Variants in DHRS7B observed in about 807,000 individuals in gnomAD.
The protein encoded by DHRS7B is peroxisomal reductase activating PPAR-gamma.
DHRS7B carries 24 observed loss-of-function variants against 26.4 expected under a neutral mutation model. That is an observed-to-expected ratio of 0.91 (90% confidence interval 0.66 to 1.28). DHRS7B has a LOEUF of 1.28. Ranked by LOEUF, DHRS7B falls within the 50% of genes most tolerant of loss-of-function variation. The probability of loss-of-function intolerance (pLI) is 0.00; values close to 1 mark genes in which losing one functional copy is unlikely to be tolerated. For synonymous variants in DHRS7B, 142 were observed against 166.4 expected (o/e 0.85, Z 1.13); for missense variants, 368 against 419.4 (o/e 0.88, Z 1.07).
At chr17:21,187,426 C>T (rs1974663754) in intron 5 of DHRS7B, among the ~76,000 whole-genome samples, 1 of 151,736 alleles carries the variant, frequency 6.6e-6, no homozygotes, top group South Asian at 2.1e-4. Context: ...TAGATCCAGA[C>T]CATCCTGGCT....
intron 1 of DHRS7B, among the ~76,000 whole-genome samples, chr17:21,132,817 T>G (rs954112170): frequency 6.6e-6 from 1 of 152,214 alleles, no homozygotes; most frequent in African/African-American, 2.4e-5. Flanking sequence ...ACAAGGTGAT[T>G]AGAGCTAAGC....
chr17:21,141,640 A>AAAAAAAAAAAAAAAAAAAGG, intron 1 of DHRS7B, among the ~76,000 whole-genome samples: 1 of 90,078 alleles, frequency 1.1e-5, no homozygotes, highest in Non-Finnish European at 2.1e-5. Context: ...AAAAAAAAAA[A>AAAAAAAAAAAAAAAAAAAGG]CAACCTCATC....
intron 1 of DHRS7B, among the ~76,000 whole-genome samples, chr17:21,143,829 G>T (rs748054303): frequency 6.6e-6 from 1 of 152,204 alleles, no homozygotes; most frequent in African/African-American, 2.4e-5. Flanking sequence ...TACTGAAAAC[G>T]AGAAGATTAC....
rs140480461 is a variant in DHRS7B, at chr17:21,131,904, A to G, written c.20+4913A>G. On this transcript the variant is annotated intron_variant, in intron 1 of 6. Transcript: ENST00000395511. ...AGAAACTACCATTGCAGAATTCTCT[A>G]TGAGTATGGCATTATAATCCAGATT... Among the ~76,000 whole-genome samples the G allele has an allele frequency of 2.7e-3, 409 of 152,334 alleles. 1 individual carries two copies. Among genetic ancestry groups the G allele is most frequent in the African/African-American group, 9.3e-3 (386 of 41,580 alleles).
chr17:21,170,483 G>A (rs1597749742), intron 1 of DHRS7B, among the ~76,000 whole-genome samples: 1 of 152,214 alleles, frequency 6.6e-6, no homozygotes, highest in African/African-American at 2.4e-5. Flanking sequence ...GCTTGGCATA[G>A]TGTAGGGCAA....
intron 1 of DHRS7B, among the ~76,000 whole-genome samples, chr17:21,156,052 A>G (rs1973871969): frequency 6.6e-6 from 1 of 152,324 alleles, no homozygotes; most frequent in South Asian, 2.1e-4. Context: ...ACTTTAGGCA[A>G]CTAGAAAAAG....
chr17:21,134,423 T>G lies in DHRS7B; in HGVS notation c.20+7432T>G, dbSNP rs1452676127. On this transcript the variant is annotated intron_variant, in intron 1 of 6. Transcript: ENST00000395511. ...AGCTGGGTGAATTTCCTCACCTCTT[T>G]AGGTTCCAAGATAAACCTGGGGCTT... 3.9e-5 allele frequency among the ~76,000 whole-genome samples: 6 copies of G among 152,344 alleles called. No homozygotes were observed. The East Asian group carries it at 1.2e-3, about 29-fold the overall frequency.
Position 21,188,865 on chromosome 17 carries a change from T to G in DHRS7B, c.772+2T>G, listed in dbSNP as rs1009986970. The G allele has an allele frequency of 1.2e-6, 2 of 1,614,108 alleles. No homozygotes were observed. Among genetic ancestry groups the G allele is most frequent in the Non-Finnish European group, 1.7e-6 (2 of 1,180,016 alleles). On this transcript the variant is annotated splice_donor_variant, in intron 6 of 6. Transcript: ENST00000395511. LOFTEE classifies it high-confidence loss of function. ...CCGCGGATGGATCTAGGTATGGAGG[T>G]GAGGCCCGGTTTCTCTTTTCTCCTA... is the stretch of plus-strand genomic sequence containing the variant.
chr17:21,178,074 C>T (rs1429989393), intron 2 of DHRS7B, among the ~76,000 whole-genome samples, 159 bp from the exon 3 acceptor site: 3 of 152,260 alleles, frequency 2.0e-5, no homozygotes, highest in Non-Finnish European at 4.4e-5. Context: ...GGCGTGAGCC[C>T]GGCATTGGGC....
chr17:21,142,702 C>T lies in DHRS7B; in HGVS notation c.20+15711C>T, dbSNP rs1266667748. Among the ~76,000 whole-genome samples the T allele has an allele frequency of 7.2e-5, 11 of 152,040 alleles. No individual in the cohort carries two copies. In the South Asian group the frequency reaches 1.0e-3, roughly 14 times the overall value. Reference sequence around the variant, plus strand: ...CCCTCACCCCCCTCCCCCGCCCCGCCGTTACCCTGGGGGCTTCCAGGTCAC... The same window carrying T: ...CCCTCACCCCCCTCCCCCGCCCCGCTGTTACCCTGGGGGCTTCCAGGTCAC... On this transcript the variant is annotated intron_variant, in intron 1 of 6. Transcript: ENST00000395511.
At chr17:21,178,137 T>G in intron 2 of DHRS7B, 96 bp from the exon 3 acceptor site, 1 of 1,173,398 alleles carries the variant, frequency 8.5e-7, no homozygotes, top group Non-Finnish European at 1.2e-6. Context: ...CACAGACCTG[T>G]GAAGGGTGTG....
At chr17:21,161,466 A>G (rs1973998702) in intron 1 of DHRS7B, among the ~76,000 whole-genome samples, 1 of 152,228 alleles carries the variant, frequency 6.6e-6, no homozygotes, top group African/African-American at 2.4e-5. Flanking sequence ...AATTGAAGGT[A>G]AGATAAAGAC....
At chr17:21,178,482 C>A in intron 3 of DHRS7B, 140 bp downstream of exon 3, 1 of 673,770 alleles carries the variant, frequency 1.5e-6, no homozygotes, top group Non-Finnish European at 2.5e-6. Context: ...CAGCAGGTCT[C>A]CATAGCGAAC....
At chr17:21,134,473 C>G (rs1973301568) in intron 1 of DHRS7B, among the ~76,000 whole-genome samples, 1 of 152,148 alleles carries the variant, frequency 6.6e-6, no homozygotes, top group South Asian at 2.1e-4. Context: ...AAGTGACATT[C>G]TTTACTTACC....
intron 5 of DHRS7B, among the ~76,000 whole-genome samples, chr17:21,187,947 C>T (rs557380477): frequency 3.4e-4 from 51 of 152,182 alleles, no homozygotes; most frequent in Middle Eastern, 3.4e-3. Flanking sequence ...CTCCTGGGTT[C>T]ACACCATTCT....
intron 1 of DHRS7B, among the ~76,000 whole-genome samples, chr17:21,151,080 C>T (rs532327549): frequency 1.3e-5 from 2 of 152,170 alleles, no homozygotes; most frequent in African/African-American, 4.8e-5. Context: ...GGCATAAGCT[C>T]AAAAGCAGCA....
chr17:21,138,211 C>CTTTTTTT (rs901329961), intron 1 of DHRS7B, among the ~76,000 whole-genome samples: 5 of 78,222 alleles, frequency 6.4e-5, no homozygotes, highest in Non-Finnish European at 9.1e-5. Flanking sequence ...ATCCCTCCTT[C>CTTTTTTT]TTTTTTTTTT....
At chr17:21,153,528 G>T (rs190854098) in intron 1 of DHRS7B, among the ~76,000 whole-genome samples, 2 of 152,138 alleles carry the variant, frequency 1.3e-5, no homozygotes, top group Non-Finnish European at 2.9e-5. Flanking sequence ...ACACCAAATC[G>T]CAGAACAAGG....
chr17:21,177,564 A>C (rs1974410184), intron 2 of DHRS7B, among the ~76,000 whole-genome samples: 1 of 152,126 alleles, frequency 6.6e-6, no homozygotes, highest in Non-Finnish European at 1.5e-5. Context: ...GAGCCTTTTC[A>C]AAGGCAGGCA....
Sources: allele counts gnomAD v4.1 joint callset (sites outside exome capture counted in the v4.1 genomes callset), GRCh38; gene constraint gnomAD v4.1.1; transcripts MANE v1.5; gene names NCBI Gene and HGNC (gene_info 2026-07-23, HGNC 2026-07-21).